The following CCDC39 variants were observed in gnomAD, a reference collection of about 807,000 sequenced individuals.
CCDC39 encodes coiled-coil domain-containing protein 39.
In CCDC39, 113 loss-of-function variants were observed where a neutral mutation model predicts 121.0. The observed-to-expected ratio is 0.93, with a 90% confidence interval of 0.80 to 1.09. The LOEUF (loss-of-function observed/expected upper bound fraction) is 1.09. Ranked by LOEUF, CCDC39 falls within the 50% of genes least tolerant of loss-of-function variation. The probability of loss-of-function intolerance (pLI) is 0.00; values close to 1 mark genes in which losing one functional copy is unlikely to be tolerated. For synonymous variants in CCDC39, 349 were observed against 352.2 expected (o/e 0.99, Z 0.10); for missense variants, 1,063 against 1,074.7 (o/e 0.99, Z 0.15).
chr3:180,663,669 CAA>C (rs71182539), intron 2 of CCDC39, among the ~76,000 whole-genome samples, 196 bp downstream of exon 2: 34 of 118,136 alleles, frequency 2.9e-4, no homozygotes, highest in African/African-American at 7.8e-4. Context: ...GACTTCATCT[CAA>C]AAAAAAAAAA....
At chr3:180,652,833 CA>C in intron 7 of CCDC39, among the ~76,000 whole-genome samples, 1 of 152,166 alleles carries the variant, frequency 6.6e-6, no homozygotes, top group African/African-American at 2.4e-5. Context: ...TATCAATATA[CA>C]AAACCAGTTA....
In CCDC39 at chr3:180,633,839, C is replaced by T. The variant is rs981068300; in HGVS notation, c.1875-2247G>A. Among the ~76,000 whole-genome samples the T allele has an allele frequency of 2.6e-5, 4 of 152,290 alleles. 1 individual carries two copies. The highest frequency in any genetic ancestry group is 9.6e-5 in the African/African-American group (4 of 41,564). On this transcript the variant is annotated intron_variant, in intron 13 of 19. Transcript: ENST00000476379. ...TGGGAACCCCTATCCCCTGACTCTT[C>T]ACCAGGCAGGGGCCCCAGCCCGTGA...
At chr3:180,676,429 A>C (rs1381072655) in intron 1 of CCDC39, among the ~76,000 whole-genome samples, 1 of 152,274 alleles carries the variant, frequency 6.6e-6, no homozygotes, top group African/African-American at 2.4e-5. Flanking sequence ...AATGCAAATC[A>C]AAACCACAAT....
In CCDC39 at chr3:180,619,352, C is replaced by G. The variant is rs141547546; in HGVS notation, c.2172G>C (p.Glu724Asp). ...KKVTPSSDEY[E>D]LKIQLEEQKR... ...TTTGTTCTTCTAGTTGAATTTTTAG[C>G]TCATACTCATCACCTGAAATGTAGA... Residue 724 changes from glutamate to aspartate, a missense_variant, in exon 16 of 20, where the codon GAG (glutamate) becomes GAC (aspartate). Physicochemically the swap from Glu to Asp is conservative, Grantham distance 45. Coordinates refer to ENST00000476379, the MANE Select transcript of CCDC39 (RefSeq NM_181426.2). 6.7e-7 allele frequency: 1 copy of G among 1,497,320 alleles called. No homozygotes were observed. The highest frequency in any genetic ancestry group is 9.1e-7 in the Non-Finnish European group (1 of 1,100,460). The allele number at this position is 1,497,320 out of a possible 1,614,324, so 92.8% of individuals were successfully genotyped here.
chr3:180,645,190 A>G (rs1172772327), intron 11 of CCDC39, among the ~76,000 whole-genome samples: 2 of 152,188 alleles, frequency 1.3e-5, no homozygotes, highest in South Asian at 4.1e-4. Flanking sequence ...AAGCATGTGT[A>G]TAACAGTGCT....
intron 14 of CCDC39, among the ~76,000 whole-genome samples, chr3:180,623,684 A>T (rs956379883): frequency 2.0e-5 from 3 of 152,046 alleles, no homozygotes; most frequent in African/African-American, 7.2e-5. Context: ...AAATTTTTTT[A>T]AATTTCCATC....
In CCDC39 at chr3:180,661,687, T is replaced by C. The variant is rs73885310; in HGVS notation, c.357+174A>G. 0.039 allele frequency among the ~76,000 whole-genome samples: 5,892 copies of C among 152,152 alleles called. 393 individuals are homozygous for C. The highest frequency in any genetic ancestry group is 0.14 in the African/African-American group (5,613 of 41,522). ...AATGGGAAAATGTACTATTCTATTATTGTTTCATTCAAATCACAGCTCCAT... is the reference window on the plus strand; with the variant it reads ...AATGGGAAAATGTACTATTCTATTACTGTTTCATTCAAATCACAGCTCCAT... On this transcript the variant is annotated intron_variant, in intron 3 of 19. Transcript: ENST00000476379.
chr3:180,640,523 A>G (rs114568659), intron 13 of CCDC39, among the ~76,000 whole-genome samples: 2,362 of 152,164 alleles, frequency 0.016, 65 homozygotes, highest in African/African-American at 0.054. Flanking sequence ...AATAATGTTA[A>G]TACTGATTAA....
intron 1 of CCDC39, among the ~76,000 whole-genome samples, chr3:180,665,158 T>G (rs1711843528): frequency 6.6e-6 from 1 of 152,210 alleles, no homozygotes; most frequent in Non-Finnish European, 1.5e-5. Context: ...TGGGCTAAGT[T>G]TAAGAGAACA....
intron 14 of CCDC39, among the ~76,000 whole-genome samples, chr3:180,627,009 T>G (rs60177071): frequency 0.13 from 20,253 of 152,162 alleles, 2,920 homozygotes; most frequent in African/African-American, 0.36. Flanking sequence ...GCAAGGTTTT[T>G]CCCAGCAGTG....
intron 1 of CCDC39, 113 bp from the exon 2 acceptor site, chr3:180,664,099 C>G (rs1053367865): frequency 1.1e-6 from 1 of 903,934 alleles, no homozygotes; most frequent in South Asian, 1.8e-5. Context: ...TCAATTTGGA[C>G]TGCTATAACA....
At chr3:180,668,932 A>G (rs16831839) in intron 1 of CCDC39, among the ~76,000 whole-genome samples, 5,759 of 152,246 alleles carry the variant, frequency 0.038, 373 homozygotes, top group African/African-American at 0.13. Flanking sequence ...TTTGTGCTAC[A>G]CTGAGGAATG....
At position 180,659,741 on chromosome 3, in the gene CCDC39, G is replaced by A; in HGVS notation, c.545C>T (p.Thr182Ile). ...CTTTCTTTTCTGATTACATTCCAAAGTTAGTCTTTCTAATTGCAGAGTCAG... is the reference window on the plus strand; with the variant it reads ...CTTTCTTTTCTGATTACATTCCAAAATTAGTCTTTCTAATTGCAGAGTCAG... ...RALTLQLERLTLECNQKRKIL... is the reference protein window; with the variant it reads ...RALTLQLERLILECNQKRKIL... The change falls in exon 5 of 20, where the codon ACT becomes ATT. Residue 182 changes from threonine (T) to isoleucine (I), a missense_variant. By Grantham distance (89) the Thr-to-Ile change is moderately conservative (BLOSUM62 -1). Coordinates refer to ENST00000476379, the MANE Select transcript of CCDC39 (RefSeq NM_181426.2). 6.2e-7 allele frequency: 1 copy of A among 1,611,706 alleles called. No individual in the cohort carries two copies. The highest frequency in any genetic ancestry group is 8.5e-7 in the Non-Finnish European group (1 of 1,178,776).
chr3:180,656,367 A>G (rs1405498596), intron 6 of CCDC39, among the ~76,000 whole-genome samples: 4 of 152,190 alleles, frequency 2.6e-5, no homozygotes, highest in Non-Finnish European at 4.4e-5. Flanking sequence ...GTAGAAAAAT[A>G]TTTTTCCACT....
At chr3:180,659,638 C>G in intron 5 of CCDC39, 39 bp downstream of exon 5, 3 of 1,604,686 alleles carry the variant, frequency 1.9e-6, no homozygotes, top group Non-Finnish European at 2.6e-6. Flanking sequence ...GCAAACATCA[C>G]CTTGAAAATT....
chr3:180,639,548 G>A (rs886286807), intron 13 of CCDC39, among the ~76,000 whole-genome samples: 43 of 152,230 alleles, frequency 2.8e-4, no homozygotes, highest in African/African-American at 1.0e-3. Context: ...ATATTGTTAT[G>A]TTCTCGCTTA....
At chr3:180,665,055 A>G (rs1711840495) in intron 1 of CCDC39, among the ~76,000 whole-genome samples, 1 of 152,138 alleles carries the variant, frequency 6.6e-6, no homozygotes, top group Non-Finnish European at 1.5e-5. Flanking sequence ...AACAAGATGT[A>G]ACAAAAACAG....
intron 1 of CCDC39, among the ~76,000 whole-genome samples, chr3:180,678,731 G>A (rs1017152936): frequency 3.3e-5 from 5 of 151,666 alleles, no homozygotes; most frequent in Non-Finnish European, 2.9e-5. Flanking sequence ...AATTTCTTAT[G>A]TTAATCTGTG....
intron 4 of CCDC39, 84 bp from the exon 5 acceptor site, chr3:180,659,853 T>C: frequency 5.3e-6 from 4 of 755,110 alleles, no homozygotes; most frequent in Non-Finnish European, 8.2e-6. Context: ...TAAATAGTAT[T>C]ACACTATACA....
Sources: allele counts gnomAD v4.1 joint callset (sites outside exome capture counted in the v4.1 genomes callset), GRCh38; gene constraint gnomAD v4.1.1; transcripts MANE v1.5; gene names NCBI Gene and HGNC (gene_info 2026-07-23, HGNC 2026-07-21).